Variants in ARFGEF1 observed in about 807,000 individuals in gnomAD.
The protein encoded by ARFGEF1 is brefeldin A-inhibited guanine nucleotide-exchange protein 1.
ARFGEF1 carries 42 observed loss-of-function variants against 231.0 expected under a neutral mutation model. The observed-to-expected ratio is 0.18, with a 90% confidence interval of 0.14 to 0.24. The LOEUF is 0.24. ARFGEF1 is among the 10% of genes least tolerant of loss of function. The pLI is 1.00. For missense variants in ARFGEF1, 1,345 were observed against 2,192.0 expected, an observed-to-expected ratio of 0.61 and a Z score of 7.72; for synonymous variants, 710 against 732.3, an observed-to-expected ratio of 0.97 and a Z score of 0.49.
At chr8:67,341,678 T>A (rs1190164770) in intron 1 of ARFGEF1, among the ~76,000 whole-genome samples, 1 of 152,172 alleles carries the variant, frequency 6.6e-6, no homozygotes, top group Non-Finnish European at 1.5e-5. Context: ...AACCTACATA[T>A]AACAATTCTT....
intron 38 of ARFGEF1, 30 bp from the exon 39 acceptor site, chr8:67,199,128 A>C (rs1408306248): frequency 6.3e-7 from 1 of 1,594,600 alleles, no homozygotes; most frequent in Non-Finnish European, 8.5e-7. Context: ...CTCCATTAGT[A>C]GTGATTGCAA....
At chr8:67,335,522 G>A (rs1808304059) in intron 1 of ARFGEF1, among the ~76,000 whole-genome samples, 1 of 152,142 alleles carries the variant, frequency 6.6e-6, no homozygotes, top group African/African-American at 2.4e-5. Context: ...TACAGACTGA[G>A]TAAAAGCCAT....
chr8:67,175,128 T>G (rs1418584695), downstream of ARFGEF1: 4 of 608,904 alleles, frequency 6.6e-6, no homozygotes, highest in Admixed American at 5.9e-5. Flanking sequence ...TTCATATTCT[T>G]TAGTTTTGTG....
chr8:67,236,358 AAAAAAAAATATATATAT>A (rs1489683498), intron 22 of ARFGEF1, among the ~76,000 whole-genome samples: 5 of 43,100 alleles, frequency 1.2e-4, no homozygotes, highest in African/African-American at 5.3e-4. Context: ...TTAAAAAAAA[AAAAAAAAATATATATAT>A]ATATATATAT....
intron 7 of ARFGEF1, among the ~76,000 whole-genome samples, chr8:67,279,236 G>A (rs16933239): frequency 9.3e-4 from 141 of 152,116 alleles, no homozygotes; most frequent in African/African-American, 3.1e-3. Context: ...TTTTCTCTCT[G>A]CACCCAATTA....
chr8:67,203,247 T>C lies in ARFGEF1; in HGVS notation c.4964A>G (p.Asp1655Gly), dbSNP rs202145371. The C allele has an allele frequency of 7.4e-5, 120 of 1,613,602 alleles. No homozygotes were observed. Among genetic ancestry groups the C allele is most frequent in the African/African-American group, 1.3e-4 (10 of 75,004 alleles). The change falls in exon 36 of 39, where the codon GAT becomes GGT. Residue 1655 changes from aspartate to glycine, a missense_variant. Asp to Gly is a moderately conservative substitution (Grantham distance 94). Around this residue, in one of 14 missense-constraint regions of ARFGEF1, gnomAD observed 161 missense variants for 284.9 expected, o/e 0.57. Transcript: ENST00000262215. ...AACGCGAACATCAAAGTCCACCGCA[T>C]CTCTCTTTGGAAAACAAACCACCCC... ...DAENLAAAQR[D>G]AVDFDVRVDT...
downstream of ARFGEF1, chr8:67,175,214 C>A: frequency 1.0e-6 from 1 of 981,648 alleles, no homozygotes; most frequent in South Asian, 1.6e-5. Context: ...TTAGGTTACT[C>A]ATGTTACTTA....
chr8:67,175,939 A>AC (rs1831516016), intron 5 of ARFGEF1, among the ~76,000 whole-genome samples: 1 of 152,242 alleles, frequency 6.6e-6, no homozygotes, highest in Non-Finnish European at 1.5e-5. Flanking sequence ...CTAGGAGTGC[A>AC]GGTACTGGCC....
chr8:67,218,207 A>AATAT lies in ARFGEF1; in HGVS notation c.4339-73_4339-70dup, dbSNP rs1228163654. 679 of 91,268 alleles carry AATAT rather than the reference A, an allele frequency of 7.4e-3. 10 individuals are homozygous for AATAT. The highest frequency in any genetic ancestry group is 0.023 in the Admixed American group (162 of 7,098). The allele number at this position is 91,268 out of a possible 1,614,324, so 5.7% of individuals were successfully genotyped here. A position where few individuals can be genotyped will look rare whatever the true frequency, so the allele number is the denominator to read the frequency against. On this transcript the variant is annotated intron_variant, in intron 30 of 38. Transcript: ENST00000262215. ...TACTATGATTAAAAAAAAAAAAAAA[A>AATAT]ATATATATATATATATATATATATA...
At chr8:67,175,114 T>C (rs1422232504), downstream of ARFGEF1, 4 of 586,550 alleles carry the variant, frequency 6.8e-6, no homozygotes, top group Non-Finnish European at 1.2e-5. Context: ...TAAAGAATAT[T>C]AATTTCATAT....
intron 10 of ARFGEF1, 144 bp from the exon 11 acceptor site, chr8:67,267,586 T>C: frequency 3.4e-6 from 2 of 582,102 alleles, no homozygotes; most frequent in Admixed American, 3.3e-5. Flanking sequence ...CATCTCTGAA[T>C]CCTCAGGACT....
At position 67,211,605 on chromosome 8, in the gene ARFGEF1, G is replaced by A; in HGVS notation, c.4697C>T (p.Ser1566Leu). The A allele has an allele frequency of 1.3e-6, 2 of 1,484,978 alleles. No individual in the cohort carries two copies. The highest frequency in any genetic ancestry group is 1.8e-6 in the Non-Finnish European group (2 of 1,106,012). The allele number at this position is 1,484,978 out of a possible 1,614,324, so 92.0% of individuals were successfully genotyped here. A position where few individuals can be genotyped will look rare whatever the true frequency, so the allele number is the denominator to read the frequency against. ...ATCATGAATATCTACAGACTTCTGT[G>A]ATATTGTATCCTAATAAATAAAAAA... ...PVSEKPLDTI[S>L]QKSVDIHDSI... Residue 1566 changes from serine to leucine, a missense_variant, in exon 34 of 39, where the codon TCA (serine) becomes TTA (leucine). By Grantham distance (145) the Ser-to-Leu change is moderately radical. Around this residue, in one of 14 missense-constraint regions of ARFGEF1, gnomAD observed 89 missense variants for 74.8 expected, o/e 1.19. Coordinates refer to ENST00000262215, the MANE Select transcript of ARFGEF1 (RefSeq NM_006421.5).
chr8:67,222,225 GTA>G lies in ARFGEF1; in HGVS notation c.4209-2667_4209-2666del, dbSNP rs1274611880. Among the ~76,000 whole-genome samples, 260 of 64,068 alleles carry G rather than the reference GTA, an allele frequency of 4.1e-3. 1 individual carries two copies. Among genetic ancestry groups the G allele is most frequent in the South Asian group, 0.024 (40 of 1,696 alleles). The allele number at this position is 64,068 out of a possible 152,430, so 42.0% of individuals were successfully genotyped here. ...TATATACACACACATATATATATATGTATATGTATGTATGTATGTATGTATGT... is the reference window on the plus strand; with the variant it reads ...TATATACACACACATATATATATATGTATGTATGTATGTATGTATGTATGT... On this transcript the variant is annotated intron_variant, in intron 29 of 38. Coordinates refer to ENST00000262215, the MANE Select transcript of ARFGEF1 (RefSeq NM_006421.5).
At chr8:67,335,740 T>A (rs977440220) in intron 1 of ARFGEF1, among the ~76,000 whole-genome samples, 1 of 152,198 alleles carries the variant, frequency 6.6e-6, no homozygotes, top group Non-Finnish European at 1.5e-5. Flanking sequence ...ATGAAATATT[T>A]TAAAGATTTT....
In ARFGEF1 at chr8:67,257,767, T is replaced by C. The variant is rs1241949806; in HGVS notation, c.2491A>G (p.Ile831Val). Residue 831 changes from isoleucine to valine, a missense_variant, in exon 17 of 39, where the codon ATT becomes GTT. Physicochemically the swap from Ile to Val is conservative, Grantham distance 29. This residue lies in a region of ARFGEF1 where 58 missense variants were observed against 133.6 expected (regional missense o/e 0.43). Coordinates refer to ENST00000262215, the MANE Select transcript of ARFGEF1 (RefSeq NM_006421.5). ...ADTAYVLAYSIIMLTTDLHSP... is the reference protein window; with the variant it reads ...ADTAYVLAYSVIMLTTDLHSP... ...TGAAGGTCTGTGGTCAACATGATAA[T>C]TGAATAAGCCAAAACATAAGCTGTA... 7.5e-6 allele frequency: 12 copies of C among 1,609,818 alleles called. No homozygotes were observed. The highest frequency in any genetic ancestry group is 1.3e-5 in the African/African-American group (1 of 74,672).
chr8:67,236,928 T>C (rs1265633569), intron 22 of ARFGEF1, among the ~76,000 whole-genome samples: 2 of 152,316 alleles, frequency 1.3e-5, no homozygotes, highest in Admixed American at 6.5e-5. Flanking sequence ...TACCAGTAAA[T>C]ATTATCAGCA....
chr8:67,184,736 T>TTAAAAAAAAAAA (rs1316027774), intron 5 of ARFGEF1, among the ~76,000 whole-genome samples: 1 of 128,480 alleles, frequency 7.8e-6, no homozygotes, highest in African/African-American at 3.5e-5. Context: ...AAAATAATAA[T>TTAAAAAAAAAAA]AAAAAAATAT....
chr8:67,287,377 A>G lies in ARFGEF1; in HGVS notation c.1027+578T>C, dbSNP rs190061420. On this transcript the variant is annotated intron_variant, in intron 7 of 38. Coordinates refer to ENST00000262215, the MANE Select transcript of ARFGEF1 (RefSeq NM_006421.5). ...ATCTGTATGACTTCACTGAGAGAAG[A>G]CATTTGGAGCATGTACCTGATTTTC... Among the ~76,000 whole-genome samples the G allele has an allele frequency of 1.0e-3, 157 of 152,306 alleles. 3 individuals carry two copies. The highest frequency in any genetic ancestry group is 8.0e-3 in the Admixed American group (122 of 15,292).
Position 67,243,399 on chromosome 8 carries a change from C to T in ARFGEF1, c.2851-3109G>A, listed in dbSNP as rs562009242. On this transcript the variant is annotated intron_variant, in intron 19 of 38. Coordinates refer to ENST00000262215, the MANE Select transcript of ARFGEF1 (RefSeq NM_006421.5). ...AAAATCATGTCTTACAACACAGCAG[C>T]AGGCAAGAGAGAGCTTGTGTGGGGG... Among the ~76,000 whole-genome samples, 5 of 152,282 alleles carry T rather than the reference C, an allele frequency of 3.3e-5. No homozygotes were observed. The South Asian group carries it at 1.0e-3, about 32-fold the overall frequency.
Sources: gnomAD v4.1 joint callset for allele counts (sites outside exome capture counted in the v4.1 genomes callset) on GRCh38, gnomAD v4.1.1 for gene constraint, gnomAD v4.1.1 regional missense constraint, MANE v1.5 for transcripts, NCBI Gene and HGNC (gene_info 2026-07-23, HGNC 2026-07-21) for gene names.